Variants in PLEKHG4 observed in about 807,000 individuals in gnomAD.
PLEKHG4 encodes puratrophin-1.
In PLEKHG4, 85 loss-of-function variants were observed where a neutral mutation model predicts 136.9. The observed-to-expected ratio is 0.62, with a 90% CI of 0.52 to 0.74. PLEKHG4 has a LOEUF of 0.74. Among genes scored for constraint, PLEKHG4 ranks in the 30% least tolerant of loss-of-function variants. PLEKHG4 has a pLI of 0.00. For synonymous variants in PLEKHG4, 577 were observed against 646.9 expected (o/e 0.89, Z 1.64); for missense variants, 1,317 against 1,527.8 (o/e 0.86, Z 2.30).
chr16:67,289,448 A>G lies in PLEKHG4; in HGVS notation c.*640A>G. On this transcript the variant is annotated 3_prime_UTR_variant, in exon 22 of 22. Coordinates refer to ENST00000379344, the MANE Select transcript of PLEKHG4 (RefSeq NM_001129729.3). ...TCTTTGATGTGTGATTTAATCTTTT[A>G]TTTGTTTATAATAAAAAATAGACTG... 1 of 562,832 alleles carries G rather than the reference A, an allele frequency of 1.8e-6. No individual in the cohort carries two copies. Among genetic ancestry groups the G allele is most frequent in the Non-Finnish European group, 3.2e-6 (1 of 313,128 alleles). 34.9% of individuals were successfully genotyped at this position (562,832 alleles called of 1,614,324 possible).
rs200195600 is a variant in PLEKHG4 at position 67,288,253 on chromosome 16, C to A, written c.3307C>A (p.Pro1103Thr). 2 of 1,613,818 alleles carry A rather than the reference C, an allele frequency of 1.2e-6. No homozygotes were observed. The highest frequency in any genetic ancestry group is 1.7e-5 in the Admixed American group (1 of 60,020). Residue 1103 changes from proline (P) to threonine (T), a missense_variant, in exon 20 of 22, where the codon CCT becomes ACT. Transcript: ENST00000379344. ...LGASNSLPGD[P>T]ASCSVLGSLN... Reference sequence around the variant, plus strand: ...GGCCTCGAACTCCCTTCCTGGAGACCCTGCCTCTTGCTCTGTTCTGGGGTC... The same window carrying A: ...GGCCTCGAACTCCCTTCCTGGAGACACTGCCTCTTGCTCTGTTCTGGGGTC...
chr16:67,283,306 G>A (rs934657787), intron 11 of PLEKHG4, among the ~76,000 whole-genome samples: 1 of 152,158 alleles, frequency 6.6e-6, no homozygotes, highest in Admixed American at 6.5e-5. Context: ...GGAAGAAAGA[G>A]TTGGGGGAGT....
rs199522437 is a variant in PLEKHG4 at position 67,284,714 on chromosome 16, C to T, written c.1694C>T (p.Ala565Val). The T allele has an allele frequency of 1.9e-6, 3 of 1,613,612 alleles. No individual in the cohort carries two copies. The highest frequency in any genetic ancestry group is 2.2e-5 in the East Asian group (1 of 44,874). Residue 565 changes from alanine to valine, a missense_variant and splice_region_variant, in exon 13 of 22, where the codon GCC becomes GTC. Coordinates refer to ENST00000379344, the MANE Select transcript of PLEKHG4 (RefSeq NM_001129729.3). The surrounding 1 kb of genome is among the most constrained non-coding windows in gnomAD (Gnocchi z 4.4). ...GCTTGTCCGGCCCTGGTGTTGCAGG[C>T]CTTGACGTGGGCTGAGGAGGGGCAG... is the stretch of plus-strand genomic sequence containing the variant. ...AERLFQLFRE[A>V]LTWAEEGQRV...
At position 67,286,587 on chromosome 16, in the gene PLEKHG4, G is replaced by C; in HGVS notation, c.2675G>C (p.Arg892Pro). Residue 892 changes from arginine (R) to proline (P), a missense_variant, in exon 16 of 22, where the codon CGG becomes CCG. By Grantham distance (103) the Arg-to-Pro change is moderately radical. Coordinates refer to ENST00000379344, the MANE Select transcript of PLEKHG4 (RefSeq NM_001129729.3). The stretch of plus-strand genomic sequence containing the variant: ...CCCACGCAGGAGCTCAGTGCGCTGC[G>C]GGAGGCCCAGAGCCTTGTGCACTTC... The part of the protein sequence containing the change: ...GGPTQELSAL[R>P]EAQSLVHFQL... The C allele has an allele frequency of 6.4e-7, 1 of 1,560,284 alleles. No homozygotes were observed. The highest frequency in any genetic ancestry group is 8.7e-7 in the Non-Finnish European group (1 of 1,151,548).
rs2036350841 is a variant in PLEKHG4 at position 67,284,175 on chromosome 16, G to C, written c.1510-100G>C. On this transcript the variant is annotated intron_variant, in intron 11 of 21. Transcript: ENST00000379344. The surrounding 1 kb of genome is among the most constrained non-coding windows in gnomAD (Gnocchi z 4.4). ...CGGGTAGATGTTCCACCACAGGACA[G>C]ACTTGATGGGGACATGTCGATATGT... 3.9e-6 allele frequency: 4 copies of C among 1,037,798 alleles called. No homozygotes were observed. In the African/African-American group the frequency reaches 4.7e-5, roughly 12 times the overall value. 64.3% of individuals were successfully genotyped at this position (1,037,798 alleles called of 1,614,324 possible).
Position 67,280,947 on chromosome 16 carries a change from T to A in PLEKHG4, c.661T>A (p.Ser221Thr), listed in dbSNP as rs1181021946. 6.2e-7 allele frequency: 1 copy of A among 1,613,334 alleles called. No homozygotes were observed. Among genetic ancestry groups the A allele is most frequent in the Admixed American group, 1.7e-5 (1 of 60,000 alleles). ...TGCCCACAGCCCAGCCTGGCTTCAG[T>A]CTGAGTGCAGCAGCCAGGAACTCAT... The part of the protein sequence containing the change: ...LCAHSPAWLQ[S>T]ECSSQELIRL... Residue 221 changes from serine (S) to threonine (T), a missense_variant, in exon 4 of 22, where the codon TCT (serine) becomes ACT (threonine). Physicochemically the swap from Ser to Thr is moderately conservative, Grantham distance 58. Transcript: ENST00000379344. The surrounding 1 kb of genome is among the most constrained non-coding windows in gnomAD (Gnocchi z 4.4).
At chr16:67,279,101 TGG>T (rs2036087157), upstream of PLEKHG4, 1 of 152,178 alleles carries the variant, frequency 6.6e-6, no homozygotes, top group Non-Finnish European at 1.5e-5. Flanking sequence ...CGGAAGCCCC[TGG>T]GAGACCCCGC....
rs1162079157 is a variant in PLEKHG4, at chr16:67,285,502, A to G, written c.2408A>G (p.His803Arg). 6.2e-7 allele frequency: 1 copy of G among 1,611,912 alleles called. No individual in the cohort carries two copies. The highest frequency in any genetic ancestry group is 1.3e-5 in the African/African-American group (1 of 74,924). Residue 803 changes from histidine to arginine, a missense_variant, in exon 14 of 22, where the codon CAC becomes CGC. By Grantham distance (29) the His-to-Arg change is conservative. Coordinates refer to ENST00000379344, the MANE Select transcript of PLEKHG4 (RefSeq NM_001129729.3). The part of the protein sequence containing the change: ...FLRELEACTR[H>R]PPRVAYAFLR... ...CGTGAGCTGGAGGCTTGCACCCGGC[A>G]CCCACCACGAGTGGCCTATGCCTTC...
At position 67,280,217 on chromosome 16, in the gene PLEKHG4, A is replaced by T. The variant is rs1352359163; in HGVS notation, c.173A>T (p.Asp58Val). ...AGACCACCAGCCGGGGCCACCCAGG[A>T]TGAGGAGCTACAGGGCAGCCCCTTG... is the stretch of plus-strand genomic sequence containing the variant. ...PPRPPAGATQ[D>V]EELQGSPLSR... is the part of the protein sequence containing the mutation. The change falls in exon 2 of 22, where the codon GAT (aspartate) becomes GTT (valine). Residue 58 changes from aspartate to valine, a missense_variant. Coordinates refer to ENST00000379344, the MANE Select transcript of PLEKHG4 (RefSeq NM_001129729.3). This position sits in a 1 kb window ranked among gnomAD's most constrained non-coding sequence, Gnocchi z 4.4. 1.2e-6 allele frequency: 2 copies of T among 1,613,770 alleles called. No individual in the cohort carries two copies. Among genetic ancestry groups the T allele is most frequent in the Non-Finnish European group, 1.7e-6 (2 of 1,179,982 alleles).
rs753112431 is a variant in PLEKHG4 at position 67,286,508 on chromosome 16, C to T, written c.2596C>T (p.Arg866Cys). 1.1e-5 allele frequency: 18 copies of T among 1,596,674 alleles called. No homozygotes were observed. The South Asian group carries it at 1.6e-4, about 14-fold the overall frequency. ...LASYLLKPIQ[R>C]MGKYALLLQE... is the part of the protein sequence containing the mutation. ...CTCCTACCTGCTAAAGCCCATCCAG[C>T]GCATGGGCAAGTACGCACTGCTGCT... Residue 866 changes from arginine to cysteine, a missense_variant, in exon 16 of 22, where the codon CGC becomes TGC. By Grantham distance (180) the Arg-to-Cys change is radical. Transcript: ENST00000379344.
Position 67,284,402 on chromosome 16 carries a change from C to A in PLEKHG4, c.1637C>A (p.Ala546Asp). ...AQLTEFSRAL[A>D]QRCQRLADAE... ...CTGACTGAATTCTCTAGGGCTTTGGCCCAGCGGTGCCAGCGGCTGGCGGAT... is the reference window on the plus strand; with the variant it reads ...CTGACTGAATTCTCTAGGGCTTTGGACCAGCGGTGCCAGCGGCTGGCGGAT... The change falls in exon 12 of 22, where the codon GCC becomes GAC. Residue 546 changes from alanine to aspartate, a missense_variant. Transcript: ENST00000379344. This position sits in a 1 kb window ranked among gnomAD's most constrained non-coding sequence, Gnocchi z 4.4. The A allele has an allele frequency of 3.1e-6, 5 of 1,614,080 alleles. No homozygotes were observed. The highest frequency in any genetic ancestry group is 4.2e-6 in the Non-Finnish European group (5 of 1,180,004).
chr16:67,281,872 A>G lies in PLEKHG4; in HGVS notation c.1005+35A>G, dbSNP rs777700734. On this transcript the variant is annotated intron_variant, in intron 7 of 21. Transcript: ENST00000379344. ...CTGGGTGGGGCATGGGGGCAGTCATATAGGCAACTTGGGATCATGGAGGAG... is the reference window on the plus strand; with the variant it reads ...CTGGGTGGGGCATGGGGGCAGTCATGTAGGCAACTTGGGATCATGGAGGAG... 6 of 1,581,352 alleles carry G rather than the reference A, an allele frequency of 3.8e-6. No homozygotes were observed. The African/African-American group carries it at 4.0e-5, about 11-fold the overall frequency.
intron 18 of PLEKHG4, 152 bp downstream of exon 18, chr16:67,287,329 A>G: frequency 2.6e-6 from 2 of 782,902 alleles, no homozygotes; most frequent in South Asian, 1.5e-5. Context: ...AAAGCCAGGC[A>G]GCCTTGCTGT....
In PLEKHG4 at chr16:67,280,250, A is replaced by T. The variant is rs746136646; in HGVS notation, c.206A>T (p.Lys69Ile). ...EELQGSPLSR[K>I]FQLPPAADES... ...CTACAGGGCAGCCCCTTGTCCAGGA[A>T]ATTCCAGTTACCCCCAGCTGCAGAT... Residue 69 changes from lysine (K) to isoleucine (I), a missense_variant, in exon 2 of 22, where the codon AAA becomes ATA. Physicochemically the swap from Lys to Ile is moderately radical, Grantham distance 102. Transcript: ENST00000379344. This position sits in a 1 kb window ranked among gnomAD's most constrained non-coding sequence, Gnocchi z 4.4. 9.9e-6 allele frequency: 16 copies of T among 1,613,796 alleles called. No homozygotes were observed. The highest frequency in any genetic ancestry group is 6.7e-5 in the Admixed American group (4 of 60,010).
At chr16:67,281,220 CTTTTCTT>C in intron 5 of PLEKHG4, 36 bp downstream of exon 5, 36 of 1,165,296 alleles carry the variant, frequency 3.1e-5, no homozygotes, top group South Asian at 1.2e-4. Context: ...CATTCCTTTT[CTTTTCTT>C]TTTTTTTTTT....
intron 18 of PLEKHG4, chr16:67,287,436 G>A: frequency 3.5e-6 from 2 of 567,216 alleles, no homozygotes; most frequent in East Asian, 6.1e-5. Flanking sequence ...GTCTCGCTCT[G>A]TCGCCCAGGA....
chr16:67,287,790 T>A, intron 18 of PLEKHG4, 108 bp from the exon 19 acceptor site: 1 of 789,470 alleles, frequency 1.3e-6, no homozygotes, highest in Non-Finnish European at 2.3e-6. Flanking sequence ...ACAGGACAGT[T>A]AATGTGCTGG....
chr16:67,280,631 A>G lies in PLEKHG4; in HGVS notation c.500-80A>G. 1.2e-6 allele frequency: 2 copies of G among 1,611,706 alleles called. No individual in the cohort carries two copies. Among genetic ancestry groups the G allele is most frequent in the Non-Finnish European group, 1.7e-6 (2 of 1,178,248 alleles). The stretch of plus-strand genomic sequence containing the variant: ...CAAGACTTTGGAGGTCTCTGACCCT[A>G]CTCAGGCTGAAGCCCGGGTCCAAGT... On this transcript the variant is annotated intron_variant, in intron 2 of 21. Coordinates refer to ENST00000379344, the MANE Select transcript of PLEKHG4 (RefSeq NM_001129729.3). The surrounding 1 kb of genome is among the most constrained non-coding windows in gnomAD (Gnocchi z 4.4).
chr16:67,285,207 C>T lies in PLEKHG4; in HGVS notation c.2187C>T (p.Ser729=), dbSNP rs748365179. 1 of 1,613,678 alleles carries T rather than the reference C, an allele frequency of 6.2e-7. No individual in the cohort carries two copies. The highest frequency in any genetic ancestry group is 1.1e-5 in the South Asian group (1 of 91,086). Residue 729 remains serine, a synonymous_variant, in exon 13 of 22, where the codon AGC becomes AGT. Coordinates refer to ENST00000379344, the MANE Select transcript of PLEKHG4 (RefSeq NM_001129729.3). The part of the protein sequence containing the change: ...VPPPGSSDPR[S]LNRLQLVLAE... ...CACCAGGCAGCTCTGACCCCAGGAG[C>T]CTCAACAGGTATGGGCAGTAGGCAG... is the stretch of plus-strand genomic sequence containing the variant.
Sources: gnomAD v4.1 joint callset for allele counts (sites outside exome capture counted in the v4.1 genomes callset) on GRCh38, gnomAD v4.1.1 for gene constraint, Gnocchi (gnomAD v3.1) non-coding constraint, MANE v1.5 for transcripts, NCBI Gene and HGNC (gene_info 2026-07-23, HGNC 2026-07-21) for gene names.